DMD: variants seen among roughly 807,000 people sequenced by gnomAD.
DMD encodes mutant dystrophin.
Under a neutral mutation model 330.1 loss-of-function variants are expected in DMD, and 63 were observed. The observed-to-expected ratio is 0.19, with a 90% CI of 0.16 to 0.24. DMD has a LOEUF of 0.24. Ranked by LOEUF, DMD falls within the 10% of genes least tolerant of loss-of-function variation. The probability of loss-of-function intolerance (pLI) is 1.00; values close to 1 mark genes in which losing one functional copy is unlikely to be tolerated. For synonymous variants in DMD, 1,223 were observed against 959.8 expected, an observed-to-expected ratio of 1.27 and a Z score of -5.07; for missense variants, 3,344 against 2,684.1, an observed-to-expected ratio of 1.25 and a Z score of -5.43.
At chrX:32,759,585 T>C (rs2071962033) in intron 7 of DMD, among the ~76,000 whole-genome samples, 1 of 111,453 alleles carries the variant, frequency 9.0e-6, no homozygotes, top group Non-Finnish European at 1.9e-5. Flanking sequence ...TCTATGGCAA[T>C]AAGGCTATCA....
intron 2 of DMD, among the ~76,000 whole-genome samples, chrX:32,959,900 T>C (rs2091808205): frequency 1.8e-5 from 2 of 111,920 alleles, no homozygotes; most frequent in Admixed American, 9.5e-5. Context: ...GTGAAATTAA[T>C]GTTTATGCCA....
intron 4 of DMD, among the ~76,000 whole-genome samples, chrX:32,830,918 T>C (rs1054621984): frequency 1.8e-5 from 2 of 111,423 alleles, no homozygotes; most frequent in Non-Finnish European, 3.8e-5. Context: ...TCTGTAAGAA[T>C]TGCACATAGA....
chrX:31,135,348 T>G (rs1003879683), intron 76 of DMD, among the ~76,000 whole-genome samples: 2 of 112,379 alleles, frequency 1.8e-5, no homozygotes, highest in African/African-American at 6.5e-5. Context: ...AACTCCAATG[T>G]AATAGAAATA....
intron 34 of DMD, among the ~76,000 whole-genome samples, chrX:32,368,988 A>C (rs2097863394): frequency 8.9e-6 from 1 of 111,744 alleles, no homozygotes; most frequent in African/African-American, 3.2e-5. Context: ...GACCTATGAC[A>C]TGATTGTAAG....
At chrX:31,452,090 C>CA (rs768890819) in intron 59 of DMD, among the ~76,000 whole-genome samples, 1 of 107,277 alleles carries the variant, frequency 9.3e-6, no homozygotes, top group South Asian at 4.0e-4. Context: ...AGGTTAAAGT[C>CA]AAAAAAAAGA....
Position 32,809,622 on chromosome X carries a change from T to TAC in DMD, c.531-13_531-12dup, listed in dbSNP as rs2077197074. Reference sequence around the variant, plus strand: ...TCAAATAGGTCTGGCCTAAAACACATACACATACACACATACACAAAGACA... The same window carrying TAC: ...TCAAATAGGTCTGGCCTAAAACACATACACACATACACACATACACAAAGACA... On this transcript the variant is annotated splice_polypyrimidine_tract_variant and intron_variant, in intron 6 of 78. Coordinates refer to ENST00000357033, the MANE Select transcript of DMD (RefSeq NM_004006.3). 1 of 1,141,416 alleles carries TAC rather than the reference T, an allele frequency of 8.8e-7. No individual in the cohort carries two copies. Among genetic ancestry groups the TAC allele is most frequent in the East Asian group, 3.0e-5 (1 of 33,488 alleles). The allele number at this position is 1,141,416 out of a possible 1,213,427, so 94.1% of individuals were successfully genotyped here.
intron 7 of DMD, among the ~76,000 whole-genome samples, chrX:32,712,976 G>T (rs1325637850): frequency 9.0e-6 from 1 of 111,090 alleles, no homozygotes; most frequent in East Asian, 2.8e-4. Context: ...GGCTTTATTA[G>T]CTAACCTATT....
At chrX:31,805,953 T>C (rs2092278991) in intron 50 of DMD, among the ~76,000 whole-genome samples, 1 of 112,453 alleles carries the variant, frequency 8.9e-6, no homozygotes, top group African/African-American at 3.2e-5. Flanking sequence ...CTGCCTGTTC[T>C]TGCAAACACA....
chrX:32,826,955 ATT>A (rs200526532), intron 4 of DMD, among the ~76,000 whole-genome samples: 2 of 109,256 alleles, frequency 1.8e-5, no homozygotes, highest in African/African-American at 6.7e-5. Context: ...GGTATATACA[ATT>A]TTTTTTGCTA....
At chrX:32,750,360 G>A (rs2070653250) in intron 7 of DMD, among the ~76,000 whole-genome samples, 1 of 111,716 alleles carries the variant, frequency 9.0e-6, no homozygotes, top group Non-Finnish European at 1.9e-5. Context: ...TATGAAGTTA[G>A]GCGAAATTTG....
At chrX:32,477,956 G>A (rs1347218184) in intron 21 of DMD, among the ~76,000 whole-genome samples, 1 of 111,590 alleles carries the variant, frequency 9.0e-6, no homozygotes, top group African/African-American at 3.2e-5. Flanking sequence ...AGAATGTAAA[G>A]CTATTTCCAC....
chrX:33,246,607 T>C (rs1603424709), intron 1 of DMD, among the ~76,000 whole-genome samples: 1 of 112,231 alleles, frequency 8.9e-6, no homozygotes, highest in Non-Finnish European at 1.9e-5. Flanking sequence ...TAAAAATTTA[T>C]ACATAAGAAT....
intron 2 of DMD, among the ~76,000 whole-genome samples, chrX:32,944,062 G>A (rs2090619341): frequency 9.0e-6 from 1 of 111,182 alleles, no homozygotes; most frequent in African/African-American, 3.3e-5. Context: ...CACTCTCTGT[G>A]TACATGTGTA....
chrX:31,568,166 C>G (rs1259100254), intron 55 of DMD, among the ~76,000 whole-genome samples: 2 of 111,083 alleles, frequency 1.8e-5, no homozygotes, highest in African/African-American at 6.5e-5. Context: ...TCTAAATTTG[C>G]TGAAGTTGCT....
chrX:32,560,706 C>CT lies in DMD; in HGVS notation c.1992+4995_1992+4996insA, dbSNP rs1469825769. Among the ~76,000 whole-genome samples the CT allele has an allele frequency of 1.1e-3, 124 of 111,493 alleles. 7 individuals carry two copies. The highest frequency in any genetic ancestry group is 3.8e-5 in the Non-Finnish European group (2 of 53,126). ...CATGCAGTGTTTGGTTTTCTGTTCC[C>CT]GCATTAGTTTGCTGAGAATAACAGC... On this transcript the variant is annotated intron_variant, in intron 16 of 78. Coordinates refer to ENST00000357033, the MANE Select transcript of DMD (RefSeq NM_004006.3).
At chrX:31,834,942 A>G (rs1243682638) in intron 49 of DMD, among the ~76,000 whole-genome samples, 1 of 112,033 alleles carries the variant, frequency 8.9e-6, no homozygotes, top group East Asian at 2.8e-4. Context: ...AAGGAAAGCA[A>G]CAGCTCCTGG....
chrX:32,740,425 G>A (rs369606460), intron 7 of DMD, among the ~76,000 whole-genome samples: 11 of 110,169 alleles, frequency 1.0e-4, no homozygotes, highest in African/African-American at 3.0e-4. Context: ...AGGAAAACAT[G>A]GGAATCACTA....
At chrX:33,316,068 A>T (rs2053929056) in intron 1 of DMD, among the ~76,000 whole-genome samples, 1 of 110,408 alleles carries the variant, frequency 9.1e-6, no homozygotes, top group African/African-American at 3.3e-5. Flanking sequence ...AAAAGCAAAA[A>T]CCTGTCATAT....
chrX:32,142,790 A>C (rs919398216), intron 44 of DMD, among the ~76,000 whole-genome samples: 1 of 112,613 alleles, frequency 8.9e-6, no homozygotes, highest in Admixed American at 9.4e-5. Context: ...TACATTTACC[A>C]AATGGCAAAG....
Sources: allele counts gnomAD v4.1 joint callset (sites outside exome capture counted in the v4.1 genomes callset), GRCh38; gene constraint gnomAD v4.1.1; transcripts MANE v1.5; gene names NCBI Gene and HGNC (gene_info 2026-07-23, HGNC 2026-07-21).